The following NEDD9 variants were observed in gnomAD, a reference collection of about 807,000 sequenced individuals.
NEDD9 encodes enhancer of filamentation 1.
In NEDD9, 26 loss-of-function variants were observed where a neutral mutation model predicts 76.6. That is an observed-to-expected ratio of 0.34 (90% CI 0.25 to 0.47). NEDD9 has a LOEUF of 0.47. NEDD9 is among the 20% of genes least tolerant of loss of function. The pLI, the probability that NEDD9 is intolerant of heterozygous loss-of-function variation, is 1.00. For missense variants in NEDD9, 937 were observed against 1,058.5 expected, an observed-to-expected ratio of 0.89 and a Z score of 1.59; for synonymous variants, 392 against 414.2, an observed-to-expected ratio of 0.95 and a Z score of 0.65.
intron 3 of NEDD9, chr6:11,305,395 T>C: frequency 3.7e-6 from 1 of 272,474 alleles, no homozygotes; most frequent in South Asian, 3.6e-5. Context: ...TGACCCTCAA[T>C]GCCACTATGC....
intron 2 of NEDD9, chr6:11,200,932 AG>A: frequency 6.2e-7 from 1 of 1,614,074 alleles, no homozygotes. Context: ...CTCCAAACTC[AG>A]GACACTTTAT....
chr6:11,206,311 T>G (rs1268680474), intron 2 of NEDD9, among the ~76,000 whole-genome samples: 1 of 151,854 alleles, frequency 6.6e-6, no homozygotes, highest in Non-Finnish European at 1.5e-5. Context: ...CCCAGCTACT[T>G]GGGAGGCGGA....
chr6:11,196,648 C>T (rs1033215837), intron 2 of NEDD9, among the ~76,000 whole-genome samples: 2 of 152,104 alleles, frequency 1.3e-5, no homozygotes, highest in African/African-American at 4.8e-5. Context: ...TTCAAAGAAA[C>T]AGATGGTGAA....
intron 3 of NEDD9, among the ~76,000 whole-genome samples, chr6:11,278,697 A>G (rs1482886538): frequency 6.6e-6 from 1 of 152,254 alleles, no homozygotes; most frequent in Non-Finnish European, 1.5e-5. Flanking sequence ...AGCCTTGGCT[A>G]CTCAACACAG....
chr6:11,338,864 G>A (rs769727515), intron 1 of NEDD9, among the ~76,000 whole-genome samples: 35 of 150,812 alleles, frequency 2.3e-4, no homozygotes, highest in Non-Finnish European at 5.0e-4. Context: ...AGAAGTTGCA[G>A]TGAGCAGAGA....
At chr6:11,344,161 G>A (rs114433095) in intron 1 of NEDD9, among the ~76,000 whole-genome samples, 1 of 152,256 alleles carries the variant, frequency 6.6e-6, no homozygotes, top group African/African-American at 2.4e-5. Flanking sequence ...TGACACTTGG[G>A]TTGCATACAT....
In NEDD9 at chr6:11,344,989, A is replaced by T. The variant is rs1292762341; in HGVS notation, c.-213-10428T>A. 3.9e-5 allele frequency among the ~76,000 whole-genome samples: 6 copies of T among 152,310 alleles called. No individual in the cohort carries two copies. In the South Asian group the frequency reaches 6.2e-4, roughly 16 times the overall value. The stretch of plus-strand genomic sequence containing the variant: ...GCCAGGAGTCAGCCCTTTCAACAAA[A>T]AGGAAAGGAATCTGGGGGAATTCTT... On this transcript the variant is annotated intron_variant, in intron 1 of 3. Coordinates refer to the NEDD9 transcript ENST00000397378.
At position 11,183,914 on chromosome 6, in the gene NEDD9, C is replaced by T. The variant is rs554893766; in HGVS notation, c.*1248G>A. ...ACCTGCCCCATGAAGAACCTGATGG[C>T]TTGTGGTGTCTGTGCTGTGTCAATA... On this transcript the variant is annotated 3_prime_UTR_variant, in exon 7 of 7. Transcript: ENST00000379446. The T allele has an allele frequency of 6.6e-6, 1 of 152,266 alleles. No individual in the cohort carries two copies. Among genetic ancestry groups the T allele is most frequent in the Admixed American group, 6.5e-5 (1 of 15,298 alleles). The allele number at this position is 152,266 out of a possible 1,614,324, so 9.4% of individuals were successfully genotyped here. A position where few individuals can be genotyped will look rare whatever the true frequency, so the allele number is the denominator to read the frequency against.
chr6:11,381,328 G>GC (rs752048193), intron 1 of NEDD9, among the ~76,000 whole-genome samples: 3 of 152,126 alleles, frequency 2.0e-5, no homozygotes, highest in Non-Finnish European at 4.4e-5. Flanking sequence ...CTCAACACAA[G>GC]CAAAGGGAAA....
intron 3 of NEDD9, among the ~76,000 whole-genome samples, chr6:11,258,333 C>T (rs1163031273): frequency 6.6e-6 from 1 of 152,196 alleles, no homozygotes; most frequent in Non-Finnish European, 1.5e-5. Context: ...AGCCCCAGCA[C>T]CCTGGCTGGC....
At chr6:11,376,023 A>T (rs559406103) in intron 1 of NEDD9, among the ~76,000 whole-genome samples, 1 of 152,094 alleles carries the variant, frequency 6.6e-6, no homozygotes, top group South Asian at 2.1e-4. Context: ...ACGGGCTTTC[A>T]CTGTGTTAGC....
chr6:11,319,645 TCACACATGCCA>T (rs1175786734), intron 2 of NEDD9, among the ~76,000 whole-genome samples: 1 of 126,200 alleles, frequency 7.9e-6, no homozygotes. Context: ...ACATGCACAC[TCACACATGCCA>T]CACACTAACA....
At chr6:11,377,425 GC>G (rs1762986902) in intron 1 of NEDD9, among the ~76,000 whole-genome samples, 1 of 152,260 alleles carries the variant, frequency 6.6e-6, no homozygotes, top group Non-Finnish European at 1.5e-5. Flanking sequence ...ATAACAGTGT[GC>G]CCTAAATGTA....
At chr6:11,260,422 T>C (rs1387360248) in intron 3 of NEDD9, among the ~76,000 whole-genome samples, 9 of 152,216 alleles carry the variant, frequency 5.9e-5, no homozygotes, top group Non-Finnish European at 2.9e-5. Context: ...GGAAAATTAA[T>C]CATTCTGAGT....
intron 1 of NEDD9, among the ~76,000 whole-genome samples, chr6:11,216,597 G>C (rs895752371): frequency 1.3e-5 from 2 of 152,236 alleles, no homozygotes; most frequent in Admixed American, 6.5e-5. Flanking sequence ...AAGTTCTGAA[G>C]AGGAGCGGTT....
chr6:11,324,406 C>G (rs769540001), intron 2 of NEDD9, among the ~76,000 whole-genome samples: 3 of 152,118 alleles, frequency 2.0e-5, no homozygotes, highest in African/African-American at 4.8e-5. Flanking sequence ...GTGCACCGCC[C>G]GATCCCCTGG....
At chr6:11,348,499 G>A (rs1762404892) in intron 1 of NEDD9, among the ~76,000 whole-genome samples, 1 of 152,132 alleles carries the variant, frequency 6.6e-6, no homozygotes, top group Non-Finnish European at 1.5e-5. Flanking sequence ...AAAGAACAAA[G>A]CGGGAGGTAA....
chr6:11,191,285 T>G (rs1040758071), intron 4 of NEDD9, 80 bp from the exon 5 acceptor site: 1 of 1,463,304 alleles, frequency 6.8e-7, no homozygotes, highest in Non-Finnish European at 9.1e-7. Flanking sequence ...TCAGTCCTAT[T>G]TGCTGGCACT....
intron 1 of NEDD9, among the ~76,000 whole-genome samples, chr6:11,361,751 A>G (rs1377148994): frequency 1.3e-5 from 2 of 152,188 alleles, no homozygotes; most frequent in African/African-American, 2.4e-5. Flanking sequence ...GAGTACAAGA[A>G]GAACACCTAT....
Sources: allele counts gnomAD v4.1 joint callset (sites outside exome capture counted in the v4.1 genomes callset), GRCh38; gene constraint gnomAD v4.1.1; transcripts MANE v1.5; gene names NCBI Gene and HGNC (gene_info 2026-07-23, HGNC 2026-07-21).